The following SHANK2 variants were observed in gnomAD, a reference collection of about 807,000 sequenced individuals.
SHANK2 encodes SH3 and multiple ankyrin repeat domains 2.
In SHANK2, 43 loss-of-function variants were observed where a neutral mutation model predicts 133.7. The ratio of observed to expected loss-of-function variants is 0.32; its 90% CI spans 0.25 to 0.41. SHANK2 has a LOEUF of 0.41. Ranked by LOEUF, SHANK2 falls within the 10% of genes least tolerant of loss-of-function variation. SHANK2 has a pLI of 1.00. For synonymous variants in SHANK2, 1,017 were observed against 952.8 expected (o/e 1.07, Z -1.24); for missense variants, 1,994 against 2,235.8 (o/e 0.89, Z 2.18).
chr11:70,849,535 C>CT (rs1215247032), intron 11 of SHANK2, among the ~76,000 whole-genome samples: 6 of 152,172 alleles, frequency 3.9e-5, no homozygotes, highest in African/African-American at 1.4e-4. Context: ...GCCAACTGTA[C>CT]TAGAGCATAA....
chr11:70,664,080 G>A (rs1395766895), intron 15 of SHANK2, among the ~76,000 whole-genome samples: 1 of 152,206 alleles, frequency 6.6e-6, no homozygotes, highest in South Asian at 2.1e-4. Context: ...GGACTCTGCA[G>A]CCCTAAGGAG....
rs1421979137 is a variant in SHANK2 at position 71,072,235 on chromosome 11, G to A, written c.1029+2924C>T. 4.2e-5 allele frequency among the ~76,000 whole-genome samples: 6 copies of A among 144,368 alleles called. No homozygotes were observed. The South Asian group carries it at 6.8e-4, about 16-fold the overall frequency. The allele number at this position is 144,368 out of a possible 152,430, so 94.7% of individuals were successfully genotyped here. A position where few individuals can be genotyped will look rare whatever the true frequency, so the allele number is the denominator to read the frequency against. ...TCTCACCAGCTCCACTCCACAGGCC[G>A]CCCCCACCACTTAACCCCCCATGGC... On this transcript the variant is annotated intron_variant, in intron 9 of 25. Transcript: ENST00000601538.
At chr11:70,828,624 G>A (rs934714932) in intron 11 of SHANK2, among the ~76,000 whole-genome samples, 1 of 152,194 alleles carries the variant, frequency 6.6e-6, no homozygotes, top group African/African-American at 2.4e-5. Context: ...AGCCAGGGGG[G>A]CCAGAAGCTT....
chr11:70,672,966 A>G (rs1311999246), intron 15 of SHANK2, among the ~76,000 whole-genome samples: 1 of 152,198 alleles, frequency 6.6e-6, no homozygotes, highest in African/African-American at 2.4e-5. Context: ...CCTGTCTGCA[A>G]AATGAAAGAC....
intron 17 of SHANK2, among the ~76,000 whole-genome samples, chr11:70,548,065 C>G (rs1323081931): frequency 6.6e-6 from 1 of 152,256 alleles, no homozygotes; most frequent in Non-Finnish European, 1.5e-5. Context: ...GAGGCGCTGA[C>G]ATATGTGGCT....
intron 1 of SHANK2, among the ~76,000 whole-genome samples, chr11:71,232,308 G>A (rs1183370022): frequency 1.3e-5 from 2 of 152,268 alleles, no homozygotes; most frequent in Admixed American, 6.5e-5. Flanking sequence ...AATCTCGACC[G>A]CGTCAACATC....
chr11:70,706,377 C>T (rs1268805906), intron 14 of SHANK2, among the ~76,000 whole-genome samples: 6 of 152,136 alleles, frequency 3.9e-5, no homozygotes, highest in African/African-American at 4.8e-5. Context: ...CATATTCCAC[C>T]GTTGGCCACG....
At chr11:71,225,980 G>A (rs183059791) in intron 1 of SHANK2, among the ~76,000 whole-genome samples, 54 of 152,264 alleles carry the variant, frequency 3.5e-4, no homozygotes, top group African/African-American at 1.1e-3. Flanking sequence ...AAACTTAGCC[G>A]GGTTGGTGGT....
intron 11 of SHANK2, chr11:70,863,149 T>TGGTTG: frequency 2.8e-6 from 1 of 360,122 alleles, no homozygotes; most frequent in South Asian, 2.1e-5. Context: ...GGGACAAATC[T>TGGTTG]CAAAAATAAT....
intron 25 of SHANK2, among the ~76,000 whole-genome samples, chr11:70,476,033 T>G (rs370841859): frequency 6.6e-6 from 1 of 151,400 alleles, no homozygotes; most frequent in African/African-American, 2.4e-5. Context: ...ACCAGCCTGG[T>G]CAATATGGTG....
At chr11:70,806,365 C>G (rs782584667) in intron 13 of SHANK2, among the ~76,000 whole-genome samples, 1 of 152,232 alleles carries the variant, frequency 6.6e-6, no homozygotes, top group Non-Finnish European at 1.5e-5. Flanking sequence ...TCAGATGACA[C>G]CACTGCCAAC....
At chr11:70,696,967 G>T (rs888093047) in intron 15 of SHANK2, among the ~76,000 whole-genome samples, 1 of 152,196 alleles carries the variant, frequency 6.6e-6, no homozygotes, top group Non-Finnish European at 1.5e-5. Context: ...GCTACAACAC[G>T]AATGAACCTT....
intron 14 of SHANK2, among the ~76,000 whole-genome samples, chr11:70,740,420 G>C (rs1181298532): frequency 6.6e-6 from 1 of 152,156 alleles, no homozygotes; most frequent in East Asian, 1.9e-4. Context: ...TCTGTGGCCT[G>C]AGATTCCCCT....
intron 15 of SHANK2, among the ~76,000 whole-genome samples, chr11:70,692,853 GCTCT>G (rs1373112419): frequency 2.6e-5 from 4 of 152,182 alleles, no homozygotes; most frequent in Admixed American, 6.5e-5. Context: ...CTTCTAATTC[GCTCT>G]CTAAGAGAAA....
chr11:71,136,310 C>T (rs1401248766), intron 3 of SHANK2, among the ~76,000 whole-genome samples: 1 of 152,024 alleles, frequency 6.6e-6, no homozygotes, highest in Admixed American at 6.6e-5. Context: ...ACTACTCAGC[C>T]ATAAAAAAGG....
chr11:71,078,745 A>C (rs1951253347), intron 8 of SHANK2, among the ~76,000 whole-genome samples: 1 of 152,214 alleles, frequency 6.6e-6, no homozygotes, highest in Non-Finnish European at 1.5e-5. Flanking sequence ...GACGACTCAG[A>C]AGTTACCACC....
Position 71,166,473 on chromosome 11 carries a change from C to CTTTTTTTTT in SHANK2, c.-12-19136_-12-19135insAAAAAAAAA, listed in dbSNP as rs1322143159. Among the ~76,000 whole-genome samples the CTTTTTTTTT allele has an allele frequency of 2.3e-5, 3 of 131,430 alleles. 1 individual carries two copies. Among genetic ancestry groups the CTTTTTTTTT allele is most frequent in the Non-Finnish European group, 4.9e-5 (3 of 61,402 alleles). 86.2% of individuals were successfully genotyped at this position (131,430 alleles called of 152,430 possible). ...TTGGTTTACCTTCCAATCCACACGT[C>CTTTTTTTTT]TTTTTTTTCTTTTCTTTTTTTTTTG... On this transcript the variant is annotated intron_variant, in intron 2 of 25. Transcript: ENST00000601538.
At chr11:70,812,723 G>A (rs1555053443) in intron 12 of SHANK2, among the ~76,000 whole-genome samples, 2 of 152,210 alleles carry the variant, frequency 1.3e-5, no homozygotes, top group African/African-American at 2.4e-5. Flanking sequence ...CATGGCACCC[G>A]GGCCACGCTG....
At chr11:71,079,072 G>A (rs979439539) in intron 8 of SHANK2, among the ~76,000 whole-genome samples, 1 of 152,330 alleles carries the variant, frequency 6.6e-6, no homozygotes, top group African/African-American at 2.4e-5. Flanking sequence ...CTAGGTGGTC[G>A]GTGTGACCTC....
Sources: allele counts gnomAD v4.1 joint callset (sites outside exome capture counted in the v4.1 genomes callset), GRCh38; gene constraint gnomAD v4.1.1; transcripts MANE v1.5; gene names NCBI Gene and HGNC (gene_info 2026-07-23, HGNC 2026-07-21).